Variants in TTC39B observed in about 807,000 individuals in gnomAD.
The protein encoded by TTC39B is tetratricopeptide repeat protein 39B.
In TTC39B, 92 loss-of-function variants were observed where a neutral mutation model predicts 96.6. The observed-to-expected ratio is 0.95, with a 90% CI of 0.80 to 1.13. The LOEUF is 1.13. Among genes scored for constraint, TTC39B ranks in the 50% most tolerant of loss-of-function variants. TTC39B has a pLI of 0.00. For synonymous variants in TTC39B, 367 were observed against 299.4 expected (o/e 1.23, Z -2.33); for missense variants, 955 against 809.3 (o/e 1.18, Z -2.18).
intron 2 of TTC39B, among the ~76,000 whole-genome samples, chr9:15,248,770 T>G (rs1822397232): frequency 6.6e-6 from 1 of 152,228 alleles, no homozygotes; most frequent in Admixed American, 6.5e-5. Context: ...CAGCAGATGT[T>G]TGATCTCTGG....
chr9:15,200,701 A>G (rs1002794647), intron 7 of TTC39B, among the ~76,000 whole-genome samples: 1 of 152,208 alleles, frequency 6.6e-6, no homozygotes, highest in African/African-American at 2.4e-5. Context: ...TAGTCTATTG[A>G]TATCAGAAAG....
intron 16 of TTC39B, among the ~76,000 whole-genome samples, chr9:15,183,792 GTTAT>G (rs1295616862): frequency 6.6e-6 from 1 of 152,156 alleles, no homozygotes; most frequent in Non-Finnish European, 1.5e-5. Flanking sequence ...GAGATGTTTG[GTTAT>G]TTGTGTGATT....
chr9:15,281,009 T>C (rs186182322), intron 1 of TTC39B, among the ~76,000 whole-genome samples: 1 of 151,932 alleles, frequency 6.6e-6, no homozygotes, highest in Non-Finnish European at 1.5e-5. Flanking sequence ...AATTTATTTC[T>C]TTTTTCTTTC....
At chr9:15,171,525 G>T (rs572067989) in exon 20 of TTC39B, 2 of 152,684 alleles carry the variant, frequency 1.3e-5, no homozygotes, top group East Asian at 3.9e-4. Context: ...TTCTCAGACT[G>T]TCTTTTTCAG....
intron 2 of TTC39B, among the ~76,000 whole-genome samples, chr9:15,232,630 G>A (rs1010952244): frequency 6.6e-6 from 1 of 152,170 alleles, no homozygotes; most frequent in African/African-American, 2.4e-5. Context: ...ATGAAACCAA[G>A]AAAGTAATCC....
intron 2 of TTC39B, among the ~76,000 whole-genome samples, chr9:15,245,289 G>A (rs1005662664): frequency 6.6e-6 from 1 of 152,154 alleles, no homozygotes; most frequent in African/African-American, 2.4e-5. Flanking sequence ...GCTTTCAGTA[G>A]ATATAAGGGC....
chr9:15,299,429 G>A (rs1824496435), intron 1 of TTC39B, among the ~76,000 whole-genome samples: 1 of 152,178 alleles, frequency 6.6e-6, no homozygotes, highest in Non-Finnish European at 1.5e-5. Context: ...AGTCCCTTTA[G>A]AGAGGTGTGA....
At chr9:15,285,067 C>T (rs2616749) in intron 1 of TTC39B, among the ~76,000 whole-genome samples, 77,633 of 151,428 alleles carry the variant, frequency 0.51, 20,030 homozygotes, top group East Asian at 0.7. Context: ...CGAGACCATC[C>T]TGGCTAACAC....
chr9:15,254,531 C>T (rs561026791), intron 2 of TTC39B, among the ~76,000 whole-genome samples: 2 of 151,748 alleles, frequency 1.3e-5, no homozygotes, highest in African/African-American at 4.8e-5. Flanking sequence ...TACATATTAC[C>T]AAATAATTTT....
At chr9:15,210,593 A>G (rs1377157161) in intron 5 of TTC39B, among the ~76,000 whole-genome samples, 1 of 152,134 alleles carries the variant, frequency 6.6e-6, no homozygotes, top group Non-Finnish European at 1.5e-5. Flanking sequence ...CTGATCATGA[A>G]CCTTCTGCCC....
chr9:15,168,185 T>C (rs1457098499), exon 20 of TTC39B: 4 of 152,188 alleles, frequency 2.6e-5, no homozygotes, highest in Non-Finnish European at 5.9e-5. Context: ...CTGTAAGCCA[T>C]TCCGGGTGCT....
At chr9:15,256,016 G>T (rs541218660) in intron 2 of TTC39B, among the ~76,000 whole-genome samples, 2 of 152,240 alleles carry the variant, frequency 1.3e-5, no homozygotes, top group African/African-American at 4.8e-5. Flanking sequence ...ACATGCTATG[G>T]TTTAATGTTT....
intron 1 of TTC39B, among the ~76,000 whole-genome samples, chr9:15,289,844 A>G (rs1052741541): frequency 1.3e-5 from 2 of 152,224 alleles, no homozygotes; most frequent in African/African-American, 4.8e-5. Flanking sequence ...AGGAAAAGTC[A>G]TCATCCATAT....
chr9:15,235,466 C>G (rs962031537), intron 2 of TTC39B, among the ~76,000 whole-genome samples: 9 of 152,096 alleles, frequency 5.9e-5, no homozygotes, highest in Admixed American at 2.6e-4. Flanking sequence ...TCAGAGAACA[C>G]CTGCAAGACA....
At chr9:15,296,737 C>A (rs1824392894) in intron 1 of TTC39B, among the ~76,000 whole-genome samples, 1 of 152,130 alleles carries the variant, frequency 6.6e-6, no homozygotes, top group African/African-American at 2.4e-5. Context: ...TCAGGTGATA[C>A]CCCCCTGCCT....
chr9:15,267,873 A>T, intron 2 of TTC39B, 41 bp downstream of exon 2: 1 of 1,557,624 alleles, frequency 6.4e-7, no homozygotes, highest in Non-Finnish European at 8.8e-7. Flanking sequence ...ACAACCATCA[A>T]TTTTTCCTTA....
rs116686425 is a variant in TTC39B at position 15,245,873 on chromosome 9, T to C, written c.276-19861A>G. Among the ~76,000 whole-genome samples, 635 of 152,318 alleles carry C rather than the reference T, an allele frequency of 4.2e-3. 6 individuals are homozygous for C. The highest frequency in any genetic ancestry group is 0.015 in the African/African-American group (612 of 41,562). On this transcript the variant is annotated intron_variant, in intron 2 of 19. Transcript: ENST00000512701. ...AAATTCACATCAAACTCATGTTCTG[T>C]TTGCTCTTCTGCAATTACCACCTAA...
chr9:15,273,983 G>A (rs1823449450), intron 1 of TTC39B, among the ~76,000 whole-genome samples: 1 of 152,136 alleles, frequency 6.6e-6, no homozygotes, highest in African/African-American at 2.4e-5. Context: ...TCCAAAATGG[G>A]AAACCAGACT....
At chr9:15,237,205 C>T (rs1821822880) in intron 2 of TTC39B, among the ~76,000 whole-genome samples, 1 of 152,180 alleles carries the variant, frequency 6.6e-6, no homozygotes, top group African/African-American at 2.4e-5. Context: ...GCCCCAGCTA[C>T]TTGGGAGGCT....
Sources: gnomAD v4.1 joint callset for allele counts (sites outside exome capture counted in the v4.1 genomes callset) on GRCh38, gnomAD v4.1.1 for gene constraint, MANE v1.5 for transcripts, NCBI Gene and HGNC (gene_info 2026-07-23, HGNC 2026-07-21) for gene names.